The following ADAM9 variants were observed in gnomAD, a reference collection of about 807,000 sequenced individuals.
The protein encoded by ADAM9 is ADAM metallopeptidase domain 9, also known as disintegrin and metalloproteinase domain-containing protein 9.
Under a neutral mutation model 108.1 loss-of-function variants are expected in ADAM9, and 54 were observed. The observed-to-expected ratio is 0.50, with a 90% CI of 0.40 to 0.63. ADAM9 has a LOEUF of 0.63. Ranked by LOEUF, ADAM9 falls within the 20% of genes least tolerant of loss-of-function variation. The pLI is 0.00. For synonymous variants in ADAM9, 316 were observed against 336.0 expected (o/e 0.94, Z 0.65); for missense variants, 830 against 997.7 (o/e 0.83, Z 2.26).
intron 4 of ADAM9, 74 bp downstream of exon 4, chr8:39,014,117 A>G (rs886293361): frequency 1.6e-6 from 2 of 1,220,084 alleles, no homozygotes; most frequent in Admixed American, 1.7e-5. Flanking sequence ...CTGTATAGGC[A>G]CTCAGGACTG....
At chr8:39,059,019 C>T (rs546140177) in intron 14 of ADAM9, among the ~76,000 whole-genome samples, 40 of 152,316 alleles carry the variant, frequency 2.6e-4, no homozygotes, top group Non-Finnish European at 5.6e-4. Context: ...GGCATTTCCA[C>T]CATGCTGTCA....
chr8:39,056,848 A>C (rs1346982560), intron 14 of ADAM9, among the ~76,000 whole-genome samples: 6 of 152,096 alleles, frequency 3.9e-5, no homozygotes, highest in African/African-American at 1.4e-4. Flanking sequence ...TTCAGTCTTG[A>C]CTGGTTTCCC....
chr8:39,004,221 AT>A lies in ADAM9; in HGVS notation c.98-3653del, dbSNP rs1012499610. On this transcript the variant is annotated intron_variant, in intron 1 of 21. Transcript: ENST00000487273. ...GTGTCTATCAGCATATGTATTCTTT[AT>A]TTTTTTTTTTTGGCAGGGTCTCCCT... Among the ~76,000 whole-genome samples, 844 of 144,618 alleles carry A rather than the reference AT, an allele frequency of 5.8e-3. 6 individuals are homozygous for A. The highest frequency in any genetic ancestry group is 0.018 in the African/African-American group (717 of 39,744). 94.9% of individuals were successfully genotyped at this position (144,618 alleles called of 152,430 possible).
chr8:39,064,852 A>G (rs993337105), intron 14 of ADAM9, among the ~76,000 whole-genome samples: 1 of 152,120 alleles, frequency 6.6e-6, no homozygotes, highest in African/African-American at 2.4e-5. Context: ...CACAGTTTTG[A>G]AGGCATTGCT....
intron 11 of ADAM9, among the ~76,000 whole-genome samples, chr8:39,029,476 G>C (rs1174471453): frequency 6.6e-6 from 1 of 152,140 alleles, no homozygotes; most frequent in African/African-American, 2.4e-5. Context: ...CAGCTTAGTG[G>C]GAAAGCTTTT....
chr8:39,102,469 AG>A (rs968838897), intron 21 of ADAM9, among the ~76,000 whole-genome samples: 10 of 152,158 alleles, frequency 6.6e-5, no homozygotes, highest in Non-Finnish European at 1.3e-4. Flanking sequence ...CACAGGGCAG[AG>A]GGGACAAAAT....
chr8:39,033,293 G>C (rs1345320246), intron 11 of ADAM9, among the ~76,000 whole-genome samples: 5 of 152,016 alleles, frequency 3.3e-5, no homozygotes, highest in Non-Finnish European at 7.4e-5. Flanking sequence ...TACTGTAATT[G>C]CTTTTTAGTT....
chr8:39,073,008 T>C (rs1474816565), intron 15 of ADAM9, among the ~76,000 whole-genome samples: 1 of 152,174 alleles, frequency 6.6e-6, no homozygotes, highest in African/African-American at 2.4e-5. Context: ...TTTTTGGAAT[T>C]TGAGATGTGC....
In ADAM9 at chr8:39,045,387, T is replaced by TGTGTCTAGACACACCTATATGTAC. The variant is rs1564301265; in HGVS notation, c.1302+3274_1302+3275insCTAGACACACCTATATGTACGTGT. ...AGGTGTGTGTACATACACCTATAGGTGTGTGTACACACACCTATATGTGCG... is the reference window on the plus strand; with the variant it reads ...AGGTGTGTGTACATACACCTATAGGTGTGTCTAGACACACCTATATGTACGTGTGTACACACACCTATATGTGCG... On this transcript the variant is annotated intron_variant, in intron 12 of 21. Coordinates refer to ENST00000487273, the MANE Select transcript of ADAM9 (RefSeq NM_003816.3). Among the ~76,000 whole-genome samples, 9 of 46,706 alleles carry TGTGTCTAGACACACCTATATGTAC rather than the reference T, an allele frequency of 1.9e-4. 1 individual carries two copies. The highest frequency in any genetic ancestry group is 4.9e-4 in the African/African-American group (8 of 16,326). The allele number at this position is 46,706 out of a possible 152,430, so 30.6% of individuals were successfully genotyped here.
Position 39,091,209 on chromosome 8 carries a change from G to A in ADAM9, c.2211-50G>A, listed in dbSNP as rs902550082. On this transcript the variant is annotated intron_variant, in intron 19 of 21. Coordinates refer to ENST00000487273, the MANE Select transcript of ADAM9 (RefSeq NM_003816.3). Reference sequence around the variant, plus strand: ...ATGCAAAATGTGTGTAATATTTCATGTAGAAATGTTTTTATCTTAATTTAG... The same window carrying A: ...ATGCAAAATGTGTGTAATATTTCATATAGAAATGTTTTTATCTTAATTTAG... The A allele has an allele frequency of 3.9e-6, 6 of 1,527,018 alleles. No individual in the cohort carries two copies. In the African/African-American group the frequency reaches 8.2e-5, roughly 21 times the overall value. 94.6% of individuals were successfully genotyped at this position (1,527,018 alleles called of 1,614,324 possible). A position where few individuals can be genotyped will look rare whatever the true frequency, so the allele number is the denominator to read the frequency against.
intron 1 of ADAM9, among the ~76,000 whole-genome samples, chr8:39,004,204 C>T (rs1836089937): frequency 6.6e-6 from 1 of 152,064 alleles, no homozygotes; most frequent in Non-Finnish European, 1.5e-5. Flanking sequence ...CTGTGTCTAT[C>T]AGCATATGTA....
At chr8:38,998,859 A>G (rs1449682022) in intron 1 of ADAM9, among the ~76,000 whole-genome samples, 1 of 152,210 alleles carries the variant, frequency 6.6e-6, no homozygotes, top group East Asian at 1.9e-4. Flanking sequence ...ATGGAAGATC[A>G]AACTAAGGTA....
At chr8:39,048,641 A>G (rs1198183604) in intron 12 of ADAM9, among the ~76,000 whole-genome samples, 1 of 152,168 alleles carries the variant, frequency 6.6e-6, no homozygotes, top group Non-Finnish European at 1.5e-5. Context: ...TCTTCTATCT[A>G]GATGTTTTAT....
rs866454206 is a variant in ADAM9 at position 39,045,380 on chromosome 8, C to A, written c.1302+3263C>A. On this transcript the variant is annotated intron_variant, in intron 12 of 21. Coordinates refer to ENST00000487273, the MANE Select transcript of ADAM9 (RefSeq NM_003816.3). ...TACATATAGGTGTGTGTACATACAC[C>A]TATAGGTGTGTGTACACACACCTAT... is the stretch of plus-strand genomic sequence containing the variant. 3.9e-4 allele frequency among the ~76,000 whole-genome samples: 11 copies of A among 28,532 alleles called. 1 individual carries two copies. In the East Asian group the frequency reaches 9.5e-3, roughly 25 times the overall value. 18.7% of individuals were successfully genotyped at this position (28,532 alleles called of 152,430 possible).
At chr8:39,014,919 G>T (rs951985010) in intron 4 of ADAM9, 4 of 203,236 alleles carry the variant, frequency 2.0e-5, no homozygotes, top group Non-Finnish European at 3.9e-5. Context: ...TTAGTGTGTT[G>T]TTGGTCCATT....
chr8:39,014,194 G>C, intron 4 of ADAM9, 151 bp downstream of exon 4: 1 of 694,752 alleles, frequency 1.4e-6, no homozygotes, highest in Non-Finnish European at 2.5e-6. Context: ...GGAAAAGTGG[G>C]TGCATTTCTA....
chr8:39,045,278 A>ATATG (rs1450331449), intron 12 of ADAM9, among the ~76,000 whole-genome samples: 1 of 140,396 alleles, frequency 7.1e-6, no homozygotes, highest in Non-Finnish European at 1.6e-5. Context: ...ATACATACAT[A>ATATG]TGTATATGTG....
chr8:39,009,234 T>C (rs1836265990), intron 2 of ADAM9, among the ~76,000 whole-genome samples: 1 of 152,236 alleles, frequency 6.6e-6, no homozygotes. Flanking sequence ...TGGTTTGAAC[T>C]GGGCAGACTA....
chr8:39,055,477 G>T (rs1281622575), intron 13 of ADAM9, 100 bp from the exon 14 acceptor site: 2 of 1,219,534 alleles, frequency 1.6e-6, no homozygotes, highest in African/African-American at 3.0e-5. Flanking sequence ...TTTTGCTATT[G>T]TTAGAATGCT....
Sources: gnomAD v4.1 joint callset for allele counts (sites outside exome capture counted in the v4.1 genomes callset) on GRCh38, gnomAD v4.1.1 for gene constraint, MANE v1.5 for transcripts, NCBI Gene and HGNC (gene_info 2026-07-23, HGNC 2026-07-21) for gene names.